RPH3A: variants seen among roughly 807,000 people sequenced by gnomAD.
The protein encoded by RPH3A is rabphilin 3A.
Under a neutral mutation model 102.2 loss-of-function variants are expected in RPH3A, and 48 were observed. That is an observed-to-expected ratio of 0.47 (90% CI 0.37 to 0.60). The LOEUF is 0.60. Ranked by LOEUF, RPH3A falls within the 20% of genes least tolerant of loss-of-function variation. RPH3A has a pLI of 0.00. For synonymous variants in RPH3A, 310 were observed against 324.3 expected (o/e 0.96, Z 0.47); for missense variants, 781 against 910.1 (o/e 0.86, Z 1.83).
At chr12:112,700,288 C>T (rs1015250042) in intron 1 of RPH3A, among the ~76,000 whole-genome samples, 1 of 152,066 alleles carries the variant, frequency 6.6e-6, no homozygotes, top group Non-Finnish European at 1.5e-5. Flanking sequence ...AGTCTGTTCT[C>T]GAACTCCTGA....
intron 1 of RPH3A, among the ~76,000 whole-genome samples, chr12:112,601,225 A>C (rs2039556880): frequency 6.6e-6 from 1 of 152,242 alleles, no homozygotes; most frequent in African/African-American, 2.4e-5. Context: ...GCAGGCTGCA[A>C]GCACTTGATA....
At chr12:112,788,078 G>A (rs1565880530), upstream of RPH3A, among the ~76,000 whole-genome samples, 1 of 152,228 alleles carries the variant, frequency 6.6e-6, no homozygotes, top group Non-Finnish European at 1.5e-5. Context: ...GTTTACAGCA[G>A]CAGCTGGTTC....
chr12:112,657,156 T>C (rs756110849), intron 1 of RPH3A, among the ~76,000 whole-genome samples: 4 of 152,196 alleles, frequency 2.6e-5, no homozygotes, highest in African/African-American at 9.7e-5. Flanking sequence ...AGATGGGATC[T>C]CATTGTAGTT....
At chr12:112,754,417 T>C (rs2040807622) in intron 1 of RPH3A, among the ~76,000 whole-genome samples, 1 of 152,150 alleles carries the variant, frequency 6.6e-6, no homozygotes, top group African/African-American at 2.4e-5. Context: ...CTCTACACCA[T>C]AAAAGATTGA....
At chr12:112,658,020 G>A (rs1470789080) in intron 1 of RPH3A, among the ~76,000 whole-genome samples, 3 of 152,140 alleles carry the variant, frequency 2.0e-5, no homozygotes, top group Non-Finnish European at 4.4e-5. Flanking sequence ...AAGAGGGAAT[G>A]TGGGAGGAGA....
At chr12:112,868,769 C>G (rs749638547) in intron 8 of RPH3A, 174 bp downstream of exon 8, 10 of 653,986 alleles carry the variant, frequency 1.5e-5, no homozygotes, top group Non-Finnish European at 2.5e-5. Flanking sequence ...AAATCGTTAC[C>G]AAGAGGGTAG....
At chr12:112,579,104 TC>T (rs2039378750) in intron 1 of RPH3A, among the ~76,000 whole-genome samples, 1 of 152,120 alleles carries the variant, frequency 6.6e-6, no homozygotes, top group Non-Finnish European at 1.5e-5. Flanking sequence ...ATAGACAGCC[TC>T]CCCCAATCCC....
chr12:112,647,985 G>T (rs1261328711), intron 1 of RPH3A, among the ~76,000 whole-genome samples: 1 of 152,060 alleles, frequency 6.6e-6, no homozygotes, highest in Non-Finnish European at 1.5e-5. Context: ...GACAATTCAG[G>T]CTATGTTTTC....
intron 1 of RPH3A, among the ~76,000 whole-genome samples, chr12:112,757,861 A>G (rs1389242314): frequency 4.6e-5 from 7 of 152,060 alleles, no homozygotes; most frequent in Admixed American, 4.6e-4. Flanking sequence ...AAGGTGTCAC[A>G]CTCAGCTTGT....
intron 1 of RPH3A, among the ~76,000 whole-genome samples, chr12:112,576,565 A>G (rs1403447881): frequency 1.3e-5 from 2 of 152,326 alleles, no homozygotes. Context: ...CATGATGGCC[A>G]GGCTGGTCTC....
At chr12:112,632,532 C>T (rs2039814177) in intron 1 of RPH3A, among the ~76,000 whole-genome samples, 1 of 152,192 alleles carries the variant, frequency 6.6e-6, no homozygotes, top group African/African-American at 2.4e-5. Flanking sequence ...GAATAAACCA[C>T]AAGGGTTCCT....
chr12:112,593,533 T>C (rs2039493663), intron 1 of RPH3A, among the ~76,000 whole-genome samples: 1 of 152,204 alleles, frequency 6.6e-6, no homozygotes, highest in Non-Finnish European at 1.5e-5. Flanking sequence ...AGAAAAGCTC[T>C]TGACAGCCAG....
At chr12:112,781,811 A>G (rs2041011128) in intron 1 of RPH3A, among the ~76,000 whole-genome samples, 1 of 152,386 alleles carries the variant, frequency 6.6e-6, no homozygotes, top group East Asian at 1.9e-4. Flanking sequence ...CGCTATAGCC[A>G]GCAATTCTGG....
intron 1 of RPH3A, among the ~76,000 whole-genome samples, chr12:112,602,028 C>T (rs1438536702): frequency 6.6e-6 from 1 of 152,152 alleles, no homozygotes; most frequent in Non-Finnish European, 1.5e-5. Flanking sequence ...ATAGAGGCTC[C>T]CTCTGCAGAG....
In RPH3A at chr12:112,621,013, T is replaced by A. The variant is rs553092709; in HGVS notation, c.-140+45694T>A. On this transcript the variant is annotated intron_variant, in intron 1 of 21. Coordinates refer to the RPH3A transcript ENST00000543106. Reference sequence around the variant, plus strand: ...CTTCCTATTTTTTAACATTATTATTTTTTTTTTTTTGTAGAGATAGGGTCT... The same window carrying A: ...CTTCCTATTTTTTAACATTATTATTATTTTTTTTTTGTAGAGATAGGGTCT... Among the ~76,000 whole-genome samples the A allele has an allele frequency of 4.6e-3, 693 of 151,862 alleles. 8 individuals carry two copies. Among genetic ancestry groups the A allele is most frequent in the African/African-American group, 0.015 (614 of 41,402 alleles).
intron 1 of RPH3A, among the ~76,000 whole-genome samples, chr12:112,636,610 T>C (rs143598005): frequency 1.6e-3 from 246 of 152,284 alleles, no homozygotes; most frequent in African/African-American, 5.7e-3. Context: ...AGTGCCTCTG[T>C]TGAGAAAGAT....
chr12:112,710,176 C>T (rs1188642309), intron 1 of RPH3A, among the ~76,000 whole-genome samples: 1 of 152,294 alleles, frequency 6.6e-6, no homozygotes, highest in East Asian at 1.9e-4. Context: ...CGGGGTTTCA[C>T]CCTGTTAGCC....
At chr12:112,791,202 A>G (rs944702699), upstream of RPH3A, 8 of 152,226 alleles carry the variant, frequency 5.3e-5, no homozygotes, top group Admixed American at 2.6e-4. Flanking sequence ...ATCTGCAGCA[A>G]TGGGGGTGAG....
chr12:112,763,022 C>T lies in RPH3A; in HGVS notation c.-139-29121C>T, dbSNP rs190460808. On this transcript the variant is annotated intron_variant, in intron 1 of 21. Transcript: ENST00000543106. Reference sequence around the variant, plus strand: ...ATGTTGGGTACTGAGCAGATAAAAACAACAGGTGCTCCACACAGATGGCAA... The same window carrying T: ...ATGTTGGGTACTGAGCAGATAAAAATAACAGGTGCTCCACACAGATGGCAA... Among the ~76,000 whole-genome samples, 11 of 152,318 alleles carry T rather than the reference C, an allele frequency of 7.2e-5. No homozygotes were observed. The East Asian group carries it at 2.1e-3, about 29-fold the overall frequency.
Sources: gnomAD v4.1 joint callset for allele counts (sites outside exome capture counted in the v4.1 genomes callset) on GRCh38, gnomAD v4.1.1 for gene constraint, MANE v1.5 for transcripts, NCBI Gene and HGNC (gene_info 2026-07-23, HGNC 2026-07-21) for gene names.